Variants in ZNF827 observed in about 807,000 individuals in gnomAD.
ZNF827 encodes the protein zinc finger protein 827.
Under a neutral mutation model 102.4 loss-of-function variants are expected in ZNF827, and 13 were observed. That is an observed-to-expected ratio of 0.13 (90% CI 0.08 to 0.20). ZNF827 has a LOEUF of 0.20. ZNF827 is among the 10% of genes least tolerant of loss of function. The pLI is 1.00. For synonymous variants in ZNF827, 523 were observed against 536.2 expected (o/e 0.98, Z 0.34); for missense variants, 1,103 against 1,344.4 (o/e 0.82, Z 2.81).
intron 8 of ZNF827, among the ~76,000 whole-genome samples, chr4:145,782,643 TCAC>T (rs1438702782): frequency 6.6e-6 from 1 of 152,146 alleles, no homozygotes; most frequent in Non-Finnish European, 1.5e-5. Flanking sequence ...CTTCCTCACC[TCAC>T]AGATTCCAGA....
At chr4:145,813,773 C>T (rs563970710) in intron 8 of ZNF827, among the ~76,000 whole-genome samples, 4 of 152,294 alleles carry the variant, frequency 2.6e-5, no homozygotes, top group Admixed American at 6.5e-5. Flanking sequence ...GAAAGATAGT[C>T]GGACTGCAGG....
chr4:145,797,005 C>A (rs1016426788), intron 8 of ZNF827, among the ~76,000 whole-genome samples: 2 of 152,144 alleles, frequency 1.3e-5, no homozygotes, highest in African/African-American at 4.8e-5. Flanking sequence ...ACCACATACA[C>A]TGACTATGTA....
rs762676567 is a variant in ZNF827, at chr4:145,779,355, C to G, written c.2521+19G>C. 3.1e-6 allele frequency: 5 copies of G among 1,612,652 alleles called. No individual in the cohort carries two copies. Among genetic ancestry groups the G allele is most frequent in the Non-Finnish European group, 3.4e-6 (4 of 1,179,388 alleles). The stretch of plus-strand genomic sequence containing the variant: ...TGATGGAGCATAGAGGGCTGACAGC[C>G]CAGGCCCTACTCACTCACCTGTGTG... On this transcript the variant is annotated intron_variant, in intron 9 of 14. Transcript: ENST00000508784.
intron 1 of ZNF827, among the ~76,000 whole-genome samples, chr4:145,927,857 A>C (rs916880840): frequency 2.0e-5 from 3 of 152,256 alleles, no homozygotes; most frequent in African/African-American, 7.2e-5. Flanking sequence ...TGAAGAATAA[A>C]GCATAATACA....
chr4:145,775,531 G>A lies in ZNF827; in HGVS notation c.2693+258C>T, dbSNP rs182386841. Among the ~76,000 whole-genome samples, 41 of 151,944 alleles carry A rather than the reference G, an allele frequency of 2.7e-4. 1 individual carries two copies. In the East Asian group the frequency reaches 3.9e-3, roughly 14 times the overall value. On this transcript the variant is annotated intron_variant, in intron 10 of 14. Transcript: ENST00000508784. The stretch of plus-strand genomic sequence containing the variant: ...TAAAAATTCATCATCCCCAGAGCCC[G>A]TCTCTGTCTGGAGCTCCACCCCAGA...
chr4:145,775,879 G>A lies in ZNF827; in HGVS notation c.2603C>T (p.Ser868Phe). Residue 868 changes from serine to phenylalanine, a missense_variant, in exon 10 of 15, where the codon TCC (serine) becomes TTC (phenylalanine). Ser to Phe is a radical substitution (Grantham distance 155, BLOSUM62 -2). Coordinates refer to ENST00000508784, the MANE Select transcript of ZNF827 (RefSeq NM_001306215.2). ...GGTGTCTGTACTCACCAGCTTCACG[G>A]AATGGACGGTCAAGTGCTGGTTCAG... Reference protein sequence around the residue: ...ANLNQHLTVHSVKLVSTDTED... With the variant: ...ANLNQHLTVHFVKLVSTDTED... 6.2e-7 allele frequency: 1 copy of A among 1,614,194 alleles called. No individual in the cohort carries two copies. Among genetic ancestry groups the A allele is most frequent in the South Asian group, 1.1e-5 (1 of 91,084 alleles).
At chr4:145,777,387 G>A (rs1737283058) in intron 9 of ZNF827, among the ~76,000 whole-genome samples, 1 of 152,162 alleles carries the variant, frequency 6.6e-6, no homozygotes, top group African/African-American at 2.4e-5. Flanking sequence ...TTCTCAAAAG[G>A]TTAGAAAGAA....
intron 7 of ZNF827, among the ~76,000 whole-genome samples, chr4:145,837,223 C>T (rs971242661): frequency 6.6e-6 from 1 of 152,178 alleles, no homozygotes; most frequent in African/African-American, 2.4e-5. Flanking sequence ...ACCTTTATAT[C>T]CCTTATGGTC....
chr4:145,864,420 C>CAAAAA (rs34745619), intron 5 of ZNF827, among the ~76,000 whole-genome samples: 7 of 60,786 alleles, frequency 1.2e-4, no homozygotes, highest in African/African-American at 2.9e-4. Context: ...CTTGTCTCTA[C>CAAAAA]AAAAAAAAAA....
chr4:145,789,711 G>A (rs1229341308), intron 8 of ZNF827, among the ~76,000 whole-genome samples: 1 of 152,122 alleles, frequency 6.6e-6, no homozygotes, highest in African/African-American at 2.4e-5. Flanking sequence ...GACCAAAAAG[G>A]AAAATCTAAT....
intron 7 of ZNF827, among the ~76,000 whole-genome samples, chr4:145,843,077 T>G (rs1220813109): frequency 3.9e-5 from 6 of 152,194 alleles, no homozygotes; most frequent in Admixed American, 3.9e-4. Context: ...GCATTTTTTT[T>G]TCTGTTCCTG....
chr4:145,832,299 A>AACAAT (rs1744296553), intron 7 of ZNF827: 1 of 102,488 alleles, frequency 9.8e-6, no homozygotes, highest in Non-Finnish European at 1.8e-5. Flanking sequence ...AACAAAACAA[A>AACAAT]ACCACACACA....
Position 145,761,163 on chromosome 4 carries a change from G to A in ZNF827, c.*453C>T, listed in dbSNP as rs1352883957. ...CCGGTTCCTTGGGGGCTGGACACAG[G>A]CCCTTCTTGTCCTCCTCGGGGCAGT... On this transcript the variant is annotated 3_prime_UTR_variant, in exon 15 of 15. Coordinates refer to ENST00000508784, the MANE Select transcript of ZNF827 (RefSeq NM_001306215.2). The surrounding 1 kb of genome is among the most constrained non-coding windows in gnomAD (Gnocchi z 6.8). 7.8e-7 allele frequency: 1 copy of A among 1,289,854 alleles called. No individual in the cohort carries two copies. The highest frequency in any genetic ancestry group is 1.0e-6 in the Non-Finnish European group (1 of 988,870). 79.9% of individuals were successfully genotyped at this position (1,289,854 alleles called of 1,614,324 possible). A position where few individuals can be genotyped will look rare whatever the true frequency, so the allele number is the denominator to read the frequency against.
intron 8 of ZNF827, among the ~76,000 whole-genome samples, chr4:145,803,081 C>T (rs1336901563): frequency 6.6e-6 from 1 of 152,146 alleles, no homozygotes; most frequent in Non-Finnish European, 1.5e-5. Context: ...TTCCTTCCCT[C>T]CTATCTGTCA....
intron 11 of ZNF827, among the ~76,000 whole-genome samples, chr4:145,766,986 A>G (rs977868075): frequency 3.9e-5 from 6 of 152,370 alleles, no homozygotes; most frequent in African/African-American, 1.4e-4. Context: ...GAGTATGTAT[A>G]GGAATATAAA....
chr4:145,872,569 TA>T (rs1447438250), intron 4 of ZNF827, among the ~76,000 whole-genome samples: 1 of 152,228 alleles, frequency 6.6e-6, no homozygotes, highest in Non-Finnish European at 1.5e-5. Flanking sequence ...ATATGGTTTT[TA>T]AAATTTATTA....
chr4:145,898,072 T>C (rs1195498217), intron 2 of ZNF827, among the ~76,000 whole-genome samples: 4 of 152,148 alleles, frequency 2.6e-5, no homozygotes, highest in Non-Finnish European at 5.9e-5. Flanking sequence ...CAAGAATTGC[T>C]TGAACCCGGG....
intron 4 of ZNF827, among the ~76,000 whole-genome samples, chr4:145,877,676 T>C (rs971216813): frequency 6.6e-6 from 1 of 152,180 alleles, no homozygotes; most frequent in Non-Finnish European, 1.5e-5. Flanking sequence ...AAACAGCCTC[T>C]GCAGAAGGGT....
At chr4:145,901,009 T>C (rs544673567) in intron 2 of ZNF827, among the ~76,000 whole-genome samples, 19 of 152,326 alleles carry the variant, frequency 1.2e-4, no homozygotes, top group African/African-American at 4.3e-4. Flanking sequence ...ATTTTCCTCG[T>C]TGTCTTCTGC....
Sources: allele counts gnomAD v4.1 joint callset (sites outside exome capture counted in the v4.1 genomes callset), GRCh38; gene constraint gnomAD v4.1.1; non-coding constraint Gnocchi (gnomAD v3.1); transcripts MANE v1.5; gene names NCBI Gene and HGNC (gene_info 2026-07-23, HGNC 2026-07-21).